The following DUSP22 variants were observed in gnomAD, a reference collection of about 807,000 sequenced individuals.
DUSP22 encodes the protein dual specificity phosphatase 22.
Under a neutral mutation model 24.5 loss-of-function variants are expected in DUSP22, and 24 were observed. The observed-to-expected ratio is 0.98, with a 90% CI of 0.71 to 1.38. DUSP22 has a LOEUF of 1.38. Among genes scored for constraint, DUSP22 ranks in the 40% most tolerant of loss-of-function variants. The pLI, the probability that DUSP22 is intolerant of heterozygous loss-of-function variation, is 0.00. For missense variants in DUSP22, 330 were observed against 269.2 expected, an observed-to-expected ratio of 1.23 and a Z score of -1.58; for synonymous variants, 160 against 106.4, an observed-to-expected ratio of 1.50 and a Z score of -3.10.
At chr6:347,812 C>G (rs1277247448) in intron 5 of DUSP22, among the ~76,000 whole-genome samples, 1 of 152,300 alleles carries the variant, frequency 6.6e-6, no homozygotes, top group Non-Finnish European at 1.5e-5. Context: ...TGGGAAAGAC[C>G]TGAGGAGGGG....
At chr6:347,211 C>T (rs1164435729) in intron 5 of DUSP22, among the ~76,000 whole-genome samples, 1 of 152,308 alleles carries the variant, frequency 6.6e-6, no homozygotes, top group Admixed American at 6.5e-5. Context: ...CTTTTAAGAT[C>T]TCTCCTGGTA....
intron 2 of DUSP22, among the ~76,000 whole-genome samples, chr6:307,618 C>T (rs1471115088): frequency 6.6e-6 from 1 of 152,304 alleles, no homozygotes; most frequent in African/African-American, 2.4e-5. Context: ...GAGAGAGCAG[C>T]CCCTCCCTGG....
At chr6:316,959 G>A (rs1208737285) in intron 3 of DUSP22, among the ~76,000 whole-genome samples, 1 of 152,298 alleles carries the variant, frequency 6.6e-6, no homozygotes. Flanking sequence ...GATATTTTCT[G>A]TTTTCAGTGT....
At chr6:300,989 C>A (rs1457089942) in intron 1 of DUSP22, among the ~76,000 whole-genome samples, 2 of 152,302 alleles carry the variant, frequency 1.3e-5, no homozygotes, top group African/African-American at 2.4e-5. Context: ...ACCAGCCCTG[C>A]TGCCTCTGTT....
chr6:327,294 C>G (rs981755781), intron 3 of DUSP22, among the ~76,000 whole-genome samples: 2 of 152,308 alleles, frequency 1.3e-5, no homozygotes, highest in Admixed American at 1.3e-4. Flanking sequence ...GGAGCGTGCA[C>G]TCACCACGTC....
intron 1 of DUSP22, among the ~76,000 whole-genome samples, chr6:297,468 C>G (rs1339926077): frequency 6.6e-6 from 1 of 152,308 alleles, no homozygotes; most frequent in East Asian, 1.9e-4. Context: ...TATGTTCCCT[C>G]TAGGCATAGA....
Position 348,530 on chromosome 6 carries a change from G to A in DUSP22, c.436-239G>A, listed in dbSNP as rs1298485096. 20 of 851,140 alleles carry A rather than the reference G, an allele frequency of 2.3e-5. No individual in the cohort carries two copies. The African/African-American group carries it at 2.7e-4, about 12-fold the overall frequency. 52.7% of individuals were successfully genotyped at this position (851,140 alleles called of 1,614,324 possible). A position where few individuals can be genotyped will look rare whatever the true frequency, so the allele number is the denominator to read the frequency against. On this transcript the variant is annotated intron_variant, in intron 6 of 6. Coordinates refer to ENST00000419235, the MANE Select transcript of DUSP22 (RefSeq NM_001286555.3). ...TACTAGTTTGTTTCTCTCCCTTTGG[G>A]TGACGTACCATTTCCTTGGTCTGGC...
intron 3 of DUSP22, among the ~76,000 whole-genome samples, chr6:332,644 C>CTTTTTTTTTTTT (rs3053546): frequency 3.4e-5 from 5 of 148,066 alleles, no homozygotes; most frequent in Non-Finnish European, 3.0e-5. Flanking sequence ...TCCTGTCCTT[C>CTTTTTTTTTTTT]TTTTTTTTTT....
chr6:304,573 A>C (rs1757735594), intron 1 of DUSP22, 55 bp from the exon 2 acceptor site: 1 of 1,613,320 alleles, frequency 6.2e-7, no homozygotes, highest in Non-Finnish European at 8.5e-7. Context: ...CCCCTTCTGC[A>C]ATACCATCCA....
intron 5 of DUSP22, 80 bp from the exon 6 acceptor site, chr6:348,022 GT>G: frequency 1.3e-6 from 2 of 1,573,068 alleles, no homozygotes; most frequent in Non-Finnish European, 1.7e-6. Flanking sequence ...GGTCCTTAGA[GT>G]CCCCCGCTCC....
intron 4 of DUSP22, among the ~76,000 whole-genome samples, chr6:340,326 C>T (rs945784064): frequency 6.6e-6 from 1 of 152,306 alleles, no homozygotes; most frequent in Non-Finnish European, 1.5e-5. Flanking sequence ...GAGGAACATT[C>T]TTCCCACTTA....
intron 3 of DUSP22, among the ~76,000 whole-genome samples, chr6:323,602 G>A (rs1175770124): frequency 6.6e-6 from 1 of 152,306 alleles, no homozygotes; most frequent in Non-Finnish European, 1.5e-5. Context: ...AGTGCAAGGA[G>A]AGGACGCGGG....
intron 3 of DUSP22, among the ~76,000 whole-genome samples, chr6:314,099 G>C (rs888439906): frequency 7.2e-5 from 11 of 152,306 alleles, no homozygotes; most frequent in African/African-American, 2.2e-4. Flanking sequence ...TGCCAGCCCT[G>C]ATCCCGGGAG....
chr6:341,255 G>T (rs370391006), intron 4 of DUSP22, among the ~76,000 whole-genome samples: 1 of 152,306 alleles, frequency 6.6e-6, no homozygotes, highest in Non-Finnish European at 1.5e-5. Flanking sequence ...ACGGCTGTGC[G>T]TGGACGTAAA....
At chr6:333,802 T>C (rs1759243868) in intron 3 of DUSP22, among the ~76,000 whole-genome samples, 1 of 152,304 alleles carries the variant, frequency 6.6e-6, no homozygotes, top group Non-Finnish European at 1.5e-5. Context: ...CACGTGTGCT[T>C]CCCGGATCCC....
intron 3 of DUSP22, among the ~76,000 whole-genome samples, chr6:326,943 A>T (rs1758908590): frequency 2.6e-5 from 4 of 152,306 alleles, no homozygotes; most frequent in Admixed American, 2.6e-4. Flanking sequence ...GTGCAATGGG[A>T]CTGTCTAGAC....
chr6:348,566 G>A, intron 6 of DUSP22: 1 of 967,112 alleles, frequency 1.0e-6, no homozygotes, highest in Non-Finnish European at 1.5e-6. Flanking sequence ...CTATTTTCAT[G>A]TCCTAGGCCA....
chr6:305,563 C>G (rs1167299500), intron 2 of DUSP22, among the ~76,000 whole-genome samples: 1 of 152,300 alleles, frequency 6.6e-6, no homozygotes, highest in Non-Finnish European at 1.5e-5. Flanking sequence ...CCACTTGTTC[C>G]GTACTGATTG....
chr6:310,786 C>T (rs1274719083), intron 2 of DUSP22, among the ~76,000 whole-genome samples: 2 of 152,300 alleles, frequency 1.3e-5, no homozygotes, highest in Non-Finnish European at 2.9e-5. Context: ...AAAGACTGAC[C>T]TAAGGTCATC....
Sources: allele counts gnomAD v4.1 joint callset (sites outside exome capture counted in the v4.1 genomes callset), GRCh38; gene constraint gnomAD v4.1.1; transcripts MANE v1.5; gene names NCBI Gene and HGNC (gene_info 2026-07-23, HGNC 2026-07-21).